Variants in PCDH15 observed in about 807,000 individuals in gnomAD.
The protein encoded by PCDH15 is protocadherin-15.
PCDH15 carries 129 observed loss-of-function variants against 178.5 expected under a neutral mutation model. That is an observed-to-expected ratio of 0.72 (90% CI 0.63 to 0.84). The LOEUF (loss-of-function observed/expected upper bound fraction) is 0.84, where lower values mean the gene tolerates loss of function less well. Ranked by LOEUF, PCDH15 falls within the 40% of genes least tolerant of loss-of-function variation. The probability of loss-of-function intolerance (pLI) is 0.00; values close to 1 mark genes in which losing one functional copy is unlikely to be tolerated. For synonymous variants in PCDH15, 800 were observed against 732.0 expected (o/e 1.09, Z -1.50); for missense variants, 2,230 against 2,099.9 (o/e 1.06, Z -1.21).
chr10:54,214,076 A>T (rs2051736299), intron 9 of PCDH15, 28 bp from the exon 10 acceptor site: 1 of 1,212,140 alleles, frequency 8.2e-7, no homozygotes, highest in African/African-American at 1.5e-5. Flanking sequence ...TTCAGTACAT[A>T]ATTGAGAACA....
At chr10:55,076,092 T>C (rs925886342) in intron 2 of PCDH15, among the ~76,000 whole-genome samples, 5 of 152,192 alleles carry the variant, frequency 3.3e-5, no homozygotes, top group Non-Finnish European at 5.9e-5. Context: ...CATCGTTGTC[T>C]GAGAAGACAC....
At chr10:54,536,159 G>A (rs1205064332) in intron 2 of PCDH15, among the ~76,000 whole-genome samples, 3 of 152,090 alleles carry the variant, frequency 2.0e-5, no homozygotes, top group African/African-American at 7.2e-5. Flanking sequence ...AGACTGCCTA[G>A]GTTAAATACT....
chr10:54,401,168 A>G (rs541087771), intron 3 of PCDH15, among the ~76,000 whole-genome samples: 1 of 152,102 alleles, frequency 6.6e-6, no homozygotes, highest in African/African-American at 2.4e-5. Flanking sequence ...CCTCTACACT[A>G]TGCTAAAACC....
intron 2 of PCDH15, among the ~76,000 whole-genome samples, chr10:54,562,703 T>C (rs778953193): frequency 9.2e-5 from 14 of 152,038 alleles, no homozygotes; most frequent in Non-Finnish European, 1.9e-4. Context: ...TCACTCTCAG[T>C]CTCTCTCTCT....
At chr10:55,109,768 T>A (rs2252999) in intron 2 of PCDH15, among the ~76,000 whole-genome samples, 8 of 152,014 alleles carry the variant, frequency 5.3e-5, no homozygotes, top group African/African-American at 1.9e-4. Context: ...TTAGGGGAAA[T>A]AATTGTTTCC....
intron 1 of PCDH15, among the ~76,000 whole-genome samples, chr10:54,678,163 TAC>T (rs1216725470): frequency 4.6e-5 from 7 of 152,152 alleles, no homozygotes; most frequent in East Asian, 3.8e-4. Context: ...TATATGTATA[TAC>T]ACACACACAT....
chr10:54,200,682 C>G (rs1462599828), intron 10 of PCDH15, among the ~76,000 whole-genome samples: 1 of 152,130 alleles, frequency 6.6e-6, no homozygotes, highest in East Asian at 1.9e-4. Context: ...GACCTATCTT[C>G]AGCATTATTC....
intron 3 of PCDH15, among the ~76,000 whole-genome samples, chr10:54,431,714 T>C (rs1956988146): frequency 6.6e-6 from 1 of 152,158 alleles, no homozygotes; most frequent in South Asian, 2.1e-4. Flanking sequence ...GATGGCCACT[T>C]TCATTACTGT....
chr10:54,605,774 C>A (rs2092715747), intron 2 of PCDH15: 1 of 152,170 alleles, frequency 6.6e-6, no homozygotes, highest in South Asian at 2.1e-4. Context: ...CTCATTCAAA[C>A]CACAGACTTT....
At chr10:55,599,003 C>T (rs888340599) in intron 2 of PCDH15, among the ~76,000 whole-genome samples, 2 of 152,102 alleles carry the variant, frequency 1.3e-5, no homozygotes, top group East Asian at 3.9e-4. Flanking sequence ...ACCATTTACC[C>T]TCGACAAAAG....
chr10:54,325,278 C>A (rs978016839), intron 7 of PCDH15, among the ~76,000 whole-genome samples: 4 of 151,998 alleles, frequency 2.6e-5, no homozygotes, highest in African/African-American at 9.7e-5. Flanking sequence ...TAAGCAAAAC[C>A]AGGTCAAAGC....
chr10:55,062,261 A>G (rs1841451563), intron 2 of PCDH15, among the ~76,000 whole-genome samples: 1 of 152,144 alleles, frequency 6.6e-6, no homozygotes, highest in East Asian at 1.9e-4. Context: ...CCACCATATG[A>G]AGACACAATG....
At chr10:55,615,173 C>T (rs1027986950) in intron 2 of PCDH15, among the ~76,000 whole-genome samples, 2 of 151,848 alleles carry the variant, frequency 1.3e-5, no homozygotes, top group Non-Finnish European at 2.9e-5. Context: ...TATACTAAAA[C>T]AATTGTATGC....
intron 2 of PCDH15, among the ~76,000 whole-genome samples, chr10:55,159,478 TAC>T: frequency 1.3e-5 from 2 of 149,180 alleles, no homozygotes; most frequent in African/African-American, 4.9e-5. Context: ...CTATGTTATG[TAC>T]ACACACACAT....
At chr10:53,896,778 C>T (rs1343864188) in intron 26 of PCDH15, among the ~76,000 whole-genome samples, 2 of 152,088 alleles carry the variant, frequency 1.3e-5, no homozygotes, top group African/African-American at 2.4e-5. Flanking sequence ...TCGTGACCTG[C>T]GCATGAAAGG....
chr10:54,554,344 A>T (rs2086934925), intron 2 of PCDH15, among the ~76,000 whole-genome samples: 1 of 152,200 alleles, frequency 6.6e-6, no homozygotes. Flanking sequence ...ATCAATGTAA[A>T]AGTCTGGACA....
intron 9 of PCDH15, 115 bp downstream of exon 9, chr10:54,236,708 A>G: frequency 1.1e-6 from 1 of 910,794 alleles, no homozygotes; most frequent in Non-Finnish European, 1.8e-6. Flanking sequence ...CACAAAAGTA[A>G]CAATCATGTC....
At chr10:54,233,569 T>C (rs1277051667) in intron 9 of PCDH15, among the ~76,000 whole-genome samples, 1 of 152,178 alleles carries the variant, frequency 6.6e-6, no homozygotes, top group Non-Finnish European at 1.5e-5. Context: ...CTGAAGAACA[T>C]TCTAGGTGCA....
chr10:54,095,088 A>G (rs1335632523), intron 15 of PCDH15, among the ~76,000 whole-genome samples: 1 of 152,226 alleles, frequency 6.6e-6, no homozygotes, highest in East Asian at 1.9e-4. Flanking sequence ...AAGACAAAGT[A>G]ACTGCCCTTA....
Sources: allele counts gnomAD v4.1 joint callset (sites outside exome capture counted in the v4.1 genomes callset), GRCh38; gene constraint gnomAD v4.1.1; transcripts MANE v1.5; gene names NCBI Gene and HGNC (gene_info 2026-07-23, HGNC 2026-07-21).